MYOM2: variants seen among roughly 807,000 people sequenced by gnomAD.
MYOM2 encodes myomesin 2.
In MYOM2, 254 loss-of-function variants were observed where a neutral mutation model predicts 187.6. The ratio of observed to expected loss-of-function variants is 1.35; its 90% CI spans 1.22 to 1.50. The LOEUF is 1.50. Ranked by LOEUF, MYOM2 falls within the 40% of genes most tolerant of loss-of-function variation. The probability of loss-of-function intolerance (pLI) is 0.00; values close to 1 mark genes in which losing one functional copy is unlikely to be tolerated. For synonymous variants in MYOM2, 981 were observed against 753.8 expected (o/e 1.30, Z -4.94); for missense variants, 2,796 against 1,924.0 (o/e 1.45, Z -8.48).
Position 2,123,600 on chromosome 8 carries a change from G to GCTGT in MYOM2, c.3613_3614insCTGT (p.Asp1205AlafsTer11), listed in dbSNP as rs1797533462. The GCTGT allele has an allele frequency of 6.2e-7, 1 of 1,614,070 alleles. No homozygotes were observed. Among genetic ancestry groups the GCTGT allele is most frequent in the Non-Finnish European group, 8.5e-7 (1 of 1,180,032 alleles). On this transcript the variant is annotated frameshift_variant, in exon 30 of 37. Coordinates refer to ENST00000262113, the MANE Select transcript of MYOM2 (RefSeq NM_003970.4). LOFTEE classifies it high-confidence loss of function. ...TGAATACAAGGCAACCTTGAAAGAT[G>GCTGT]ACAGAGGCCAAGATGTGTCCATCCT...
chr8:2,092,789 A>C (rs1005696752), intron 16 of MYOM2, among the ~76,000 whole-genome samples: 4 of 152,116 alleles, frequency 2.6e-5, no homozygotes, highest in African/African-American at 7.2e-5. Context: ...CATAATTAGC[A>C]CTTAGGCCTT....
intron 24 of MYOM2, 81 bp from the exon 25 acceptor site, chr8:2,109,314 G>C: frequency 3.5e-6 from 5 of 1,417,030 alleles, no homozygotes; most frequent in African/African-American, 1.4e-5. Flanking sequence ...AACTAGGATT[G>C]ATATTTCCCT....
At chr8:2,066,415 C>A (rs1819021725) in intron 6 of MYOM2, among the ~76,000 whole-genome samples, 1 of 152,262 alleles carries the variant, frequency 6.6e-6, no homozygotes, top group East Asian at 1.9e-4. Context: ...AGGCTGTCGC[C>A]CTTGTTTCTC....
rs1457845942 is a variant in MYOM2 at position 2,059,286 on chromosome 8, A to G, written c.653+41A>G. ...GGGCTCTGGACGCTGGCGTCCAGTA[A>G]TCAGCATTGCAGACCCCAAAGAAGA... On this transcript the variant is annotated intron_variant, in intron 6 of 36. Transcript: ENST00000262113. The G allele has an allele frequency of 7.0e-6, 11 of 1,574,596 alleles. No homozygotes were observed. In the Admixed American group the frequency reaches 1.2e-4, roughly 17 times the overall value.
chr8:2,073,604 G>T, intron 10 of MYOM2, 104 bp downstream of exon 10: 2 of 1,358,102 alleles, frequency 1.5e-6, no homozygotes, highest in Non-Finnish European at 9.7e-7. Flanking sequence ...CAGAGGGTGT[G>T]AGACCACTTT....
At chr8:2,071,861 A>G (rs1819233437) in intron 8 of MYOM2, among the ~76,000 whole-genome samples, 1 of 152,150 alleles carries the variant, frequency 6.6e-6, no homozygotes, top group African/African-American at 2.4e-5. Flanking sequence ...CGTGGAAGGA[A>G]GGAAGGTCTG....
intron 14 of MYOM2, among the ~76,000 whole-genome samples, chr8:2,089,486 A>T (rs950599748): frequency 1.3e-5 from 2 of 152,216 alleles, no homozygotes; most frequent in African/African-American, 4.8e-5. Context: ...AAAGATCTTT[A>T]TACAATAATT....
chr8:2,123,330 C>T lies in MYOM2; in HGVS notation c.3532C>T (p.Leu1178=), dbSNP rs1262040052. 3 of 1,613,778 alleles carry T rather than the reference C, an allele frequency of 1.9e-6. No homozygotes were observed. The highest frequency in any genetic ancestry group is 1.3e-5 in the African/African-American group (1 of 74,882). ...GTATGAAACGGAGACACTGCCTAAC[C>T]TGGAGAGGGGAATCTGTGAGCTCCT... ...VLYETETLPN[L]ERGICELLIP... is the part of the protein sequence containing the mutation. Residue 1178 remains leucine, a synonymous_variant, in exon 29 of 37, where the codon CTG becomes TTG. Coordinates refer to ENST00000262113, the MANE Select transcript of MYOM2 (RefSeq NM_003970.4).
intron 6 of MYOM2, among the ~76,000 whole-genome samples, chr8:2,060,106 C>T (rs1293343086): frequency 3.9e-5 from 6 of 152,154 alleles, no homozygotes; most frequent in South Asian, 2.1e-4. Context: ...TGTGCATACA[C>T]GGTTTTTACT....
chr8:2,076,080 G>C (rs1819405885), intron 10 of MYOM2, 61 bp from the exon 11 acceptor site: 2 of 1,533,542 alleles, frequency 1.3e-6, no homozygotes, highest in Non-Finnish European at 1.8e-6. Context: ...CTGTAAACAG[G>C]CTTTGCAGTG....
Position 2,144,716 on chromosome 8 carries a change from GGTTCAAGAAC to G in MYOM2, c.4135_4144del (p.Phe1379ThrfsTer12). The G allele has an allele frequency of 6.2e-7, 1 of 1,614,006 alleles. No individual in the cohort carries two copies. The highest frequency in any genetic ancestry group is 8.5e-7 in the Non-Finnish European group (1 of 1,180,030). ...GGAAACCCTGACCCCGAAGTGATTT[GGTTCAAGAAC>G]GACCAGGACATCCAGCTCAGCGAGC... On this transcript the variant is annotated frameshift_variant, in exon 37 of 37. Coordinates refer to ENST00000262113, the MANE Select transcript of MYOM2 (RefSeq NM_003970.4). LOFTEE classifies it low-confidence loss of function (END_TRUNC).
At chr8:2,133,121 C>T (rs1451150103) in intron 32 of MYOM2, among the ~76,000 whole-genome samples, 7 of 151,666 alleles carry the variant, frequency 4.6e-5, no homozygotes, top group African/African-American at 1.7e-4. Flanking sequence ...TTCCAGTTCT[C>T]TGCATGTGTT....
chr8:2,100,100 CCTTCCTT>C (rs1796642648), intron 19 of MYOM2, among the ~76,000 whole-genome samples: 1 of 110,820 alleles, frequency 9.0e-6, no homozygotes. Context: ...TTCCTTCCTT[CCTTCCTT>C]CTTTCTTTCC....
At chr8:2,105,259 C>G (rs1796852639) in intron 21 of MYOM2, among the ~76,000 whole-genome samples, 1 of 152,180 alleles carries the variant, frequency 6.6e-6, no homozygotes, top group South Asian at 2.1e-4. Flanking sequence ...GCCTCTTCAT[C>G]TCACCCTGCC....
intron 25 of MYOM2, among the ~76,000 whole-genome samples, chr8:2,110,110 C>T (rs895194949): frequency 6.6e-6 from 1 of 152,148 alleles, no homozygotes; most frequent in Non-Finnish European, 1.5e-5. Context: ...ATTGCTTGAT[C>T]CCAGGAGTTC....
At chr8:2,072,284 G>T in intron 8 of MYOM2, 61 bp from the exon 9 acceptor site, 1 of 1,351,162 alleles carries the variant, frequency 7.4e-7, no homozygotes, top group East Asian at 3.1e-5. Flanking sequence ...GGCCATGAAA[G>T]CCTCCATCGT....
At chr8:2,132,389 A>G (rs1797905836) in intron 32 of MYOM2, among the ~76,000 whole-genome samples, 1 of 152,242 alleles carries the variant, frequency 6.6e-6, no homozygotes, top group Non-Finnish European at 1.5e-5. Flanking sequence ...AATGTTAGAA[A>G]CTTATTCAGC....
chr8:2,076,865 C>T (rs938141147), intron 11 of MYOM2, among the ~76,000 whole-genome samples: 4 of 152,158 alleles, frequency 2.6e-5, no homozygotes, highest in Admixed American at 1.3e-4. Context: ...TTTGACTTCC[C>T]GTACTGGGGA....
At chr8:2,091,073 AGTT>A in intron 15 of MYOM2, among the ~76,000 whole-genome samples, 1 of 139,378 alleles carries the variant, frequency 7.2e-6, no homozygotes, top group Admixed American at 7.7e-5. Flanking sequence ...TTTCCACAAT[AGTT>A]GAACTAATTT....
Sources: allele counts gnomAD v4.1 joint callset (sites outside exome capture counted in the v4.1 genomes callset), GRCh38; gene constraint gnomAD v4.1.1; transcripts MANE v1.5; gene names NCBI Gene and HGNC (gene_info 2026-07-23, HGNC 2026-07-21).